EPAS1: variants seen among roughly 807,000 people sequenced by gnomAD.
EPAS1 encodes endothelial PAS domain-containing protein 1.
In EPAS1, 23 loss-of-function variants were observed where a neutral mutation model predicts 87.9. The observed-to-expected ratio is 0.26, with a 90% confidence interval of 0.19 to 0.37. The LOEUF is 0.37. EPAS1 is among the 10% of genes least tolerant of loss of function. EPAS1 has a pLI of 1.00. For synonymous variants in EPAS1, 508 were observed against 444.3 expected, an observed-to-expected ratio of 1.14 and a Z score of -1.80; for missense variants, 1,138 against 1,120.7, an observed-to-expected ratio of 1.02 and a Z score of -0.22.
intron 3 of EPAS1, 94 bp downstream of exon 3, chr2:46,356,396 C>A: frequency 1.3e-6 from 2 of 1,526,966 alleles, no homozygotes; most frequent in South Asian, 1.1e-5. Flanking sequence ...CACTTGACCT[C>A]TCCCTGCAAA....
At chr2:46,383,015 C>CAG (rs946392632) in intron 15 of EPAS1, among the ~76,000 whole-genome samples, 7 of 147,084 alleles carry the variant, frequency 4.8e-5, no homozygotes, top group Non-Finnish European at 1.0e-4. Flanking sequence ...AGAGAAAGTT[C>CAG]AGAGAGAGAG....
At chr2:46,308,236 C>G (rs1034353038) in intron 1 of EPAS1, among the ~76,000 whole-genome samples, 1 of 152,112 alleles carries the variant, frequency 6.6e-6, no homozygotes, top group Non-Finnish European at 1.5e-5. Flanking sequence ...CCCAGGCTTC[C>G]CGAAATCTTA....
chr2:46,307,072 C>G (rs1372632787), intron 1 of EPAS1, among the ~76,000 whole-genome samples: 1 of 152,190 alleles, frequency 6.6e-6, no homozygotes, highest in African/African-American at 2.4e-5. Flanking sequence ...AAAAAGCACT[C>G]CAGTGAGATT....
intron 15 of EPAS1, among the ~76,000 whole-genome samples, chr2:46,384,079 G>A (rs1684957764): frequency 6.6e-6 from 1 of 152,328 alleles, no homozygotes; most frequent in Non-Finnish European, 1.5e-5. Flanking sequence ...ACTGCTGAGG[G>A]TGGTGACCAG....
intron 1 of EPAS1, among the ~76,000 whole-genome samples, chr2:46,302,834 G>A (rs889134406): frequency 2.6e-5 from 4 of 151,822 alleles, no homozygotes; most frequent in Non-Finnish European, 5.9e-5. Context: ...AGCACTTTGA[G>A]AGGCCGAGGC....
chr2:46,382,528 C>A lies in EPAS1; in HGVS notation c.2391C>A (p.Ser797Arg), dbSNP rs2103678263. 1 of 1,614,188 alleles carries A rather than the reference C, an allele frequency of 6.2e-7. No individual in the cohort carries two copies. Among genetic ancestry groups the A allele is most frequent in the Non-Finnish European group, 8.5e-7 (1 of 1,180,042 alleles). Residue 797 changes from serine to arginine, a missense_variant, in exon 15 of 16, where the codon AGC becomes AGA. Transcript: ENST00000263734. ...TCAGTCCCGGGGAGAACAGCAAGAGCAGGTTCCCCCCACAGTGCTACGCCA... is the reference window on the plus strand; with the variant it reads ...TCAGTCCCGGGGAGAACAGCAAGAGAAGGTTCCCCCCACAGTGCTACGCCA... Reference protein sequence around the residue: ...SAISPGENSKSRFPPQCYATQ... With the variant: ...SAISPGENSKRRFPPQCYATQ...
chr2:46,303,155 A>G (rs989305823), intron 1 of EPAS1, among the ~76,000 whole-genome samples: 3 of 152,228 alleles, frequency 2.0e-5, no homozygotes, highest in Admixed American at 6.5e-5. Context: ...GAAGCAAAAG[A>G]TAAGCTCTGA....
intron 1 of EPAS1, among the ~76,000 whole-genome samples, chr2:46,312,582 G>A (rs763163050): frequency 6.6e-6 from 1 of 152,148 alleles, no homozygotes; most frequent in East Asian, 1.9e-4. Flanking sequence ...TAATCATTAG[G>A]CACATTATTG....
chr2:46,380,632 G>A lies in EPAS1; in HGVS notation c.1960G>A (p.Val654Ile), dbSNP rs375135104. 1.9e-5 allele frequency: 31 copies of A among 1,613,976 alleles called. No individual in the cohort carries two copies. Among genetic ancestry groups the A allele is most frequent in the Middle Eastern group, 3.3e-4 (2 of 6,084 alleles). The change falls in exon 12 of 16, where the codon GTC becomes ATC. Residue 654 changes from valine to isoleucine, a missense_variant. Around this residue, in one of 4 missense-constraint regions of EPAS1, gnomAD observed 502 missense variants for 427.1 expected, o/e 1.18. Transcript: ENST00000263734. The surrounding 1 kb of genome is among the most constrained non-coding windows in gnomAD (Gnocchi z 4.4). Reference protein sequence around the residue: ...PLHFGPTKWAVGDQRTEFLGA... With the variant: ...PLHFGPTKWAIGDQRTEFLGA... ...ACATTTTGGGCCCACAAAGTGGGCC[G>A]TCGGGGATCAGCGCACAGAGTTCTT...
chr2:46,302,073 G>C (rs1338096127), intron 1 of EPAS1, among the ~76,000 whole-genome samples: 1 of 148,606 alleles, frequency 6.7e-6, no homozygotes, highest in Non-Finnish European at 1.5e-5. Context: ...AGTGAAAACT[G>C]TGAGACTAAA....
At position 46,346,438 on chromosome 2, in the gene EPAS1, A is replaced by G. The variant is rs1351579656; in HGVS notation, c.27-435A>G. ...GTGTCTTATGCAGAAAAAGAACCTT[A>G]AAGCAGTTTTTTTATCTTGTTCTCC... On this transcript the variant is annotated intron_variant, in intron 1 of 15. Coordinates refer to ENST00000263734, the MANE Select transcript of EPAS1 (RefSeq NM_001430.5). The surrounding 1 kb of genome is among the most constrained non-coding windows in gnomAD (Gnocchi z 4.0). Among the ~76,000 whole-genome samples the G allele has an allele frequency of 2.0e-5, 3 of 152,174 alleles. No homozygotes were observed. The highest frequency in any genetic ancestry group is 6.5e-5 in the Admixed American group (1 of 15,280).
At position 46,298,450 on chromosome 2, in the gene EPAS1, C is replaced by G. The variant is rs907205210; in HGVS notation, c.26+513C>G. On this transcript the variant is annotated intron_variant, in intron 1 of 15. Transcript: ENST00000263734. ...GGAGGCGGAGAGCGGCTCAGGGACA[C>G]GATCCTACCGAGGAGCCAGGACCCT... Among the ~76,000 whole-genome samples, 5 of 152,230 alleles carry G rather than the reference C, an allele frequency of 3.3e-5. No homozygotes were observed. The East Asian group carries it at 9.7e-4, about 29-fold the overall frequency.
chr2:46,350,065 A>G (rs865862597), intron 2 of EPAS1, among the ~76,000 whole-genome samples: 4 of 152,382 alleles, frequency 2.6e-5, no homozygotes, highest in Middle Eastern at 3.4e-3. Context: ...TAAGCTCTCA[A>G]TAAGTTATAG....
intron 1 of EPAS1, among the ~76,000 whole-genome samples, chr2:46,336,706 G>A (rs555018519): frequency 1.2e-4 from 19 of 152,314 alleles, no homozygotes; most frequent in Non-Finnish European, 2.4e-4. Context: ...AAGATCGCAC[G>A]TGTTCCTGGG....
chr2:46,343,138 G>A (rs1683944316), intron 1 of EPAS1, among the ~76,000 whole-genome samples: 1 of 152,146 alleles, frequency 6.6e-6, no homozygotes, highest in Non-Finnish European at 1.5e-5. Flanking sequence ...CACCCTCCCA[G>A]CACTACTGTG....
rs1202845001 is a variant in EPAS1, at chr2:46,361,023, C to T, written c.712C>T (p.Pro238Ser). ...CCAGCACCCATCCCACATGGACATC[C>T]CCCTGGATAGCAAGACCTTCCTGAG... ...PIQHPSHMDI[P>S]LDSKTFLSRH... Residue 238 changes from proline to serine, a missense_variant, in exon 6 of 16, where the codon CCC (proline) becomes TCC (serine). Physicochemically the swap from Pro to Ser is moderately conservative, Grantham distance 74. Transcript: ENST00000263734. 9 of 1,614,030 alleles carry T rather than the reference C, an allele frequency of 5.6e-6. No individual in the cohort carries two copies. In the Admixed American group the frequency reaches 1.5e-4, roughly 27 times the overall value.
intron 4 of EPAS1, among the ~76,000 whole-genome samples, chr2:46,357,650 C>T (rs1373883156): frequency 6.6e-6 from 1 of 152,206 alleles, no homozygotes; most frequent in Non-Finnish European, 1.5e-5. Flanking sequence ...TGTCAAAAGG[C>T]ATGGCTTGTT....
intron 1 of EPAS1, among the ~76,000 whole-genome samples, chr2:46,308,327 A>G (rs1190626232): frequency 1.3e-5 from 2 of 152,102 alleles, no homozygotes; most frequent in African/African-American, 4.8e-5. Context: ...TTGTTTGCCA[A>G]AGAGCCTGCT....
In EPAS1 at chr2:46,347,212, C is replaced by A. The variant is rs1320402425; in HGVS notation, c.217+149C>A. On this transcript the variant is annotated intron_variant, in intron 2 of 15. Coordinates refer to ENST00000263734, the MANE Select transcript of EPAS1 (RefSeq NM_001430.5). This position sits in a 1 kb window ranked among gnomAD's most constrained non-coding sequence, Gnocchi z 4.2. ...AAACACCATCATGAGTGATTTATTCCTTCATGTTAAACATCTCTCTTCCAG... is the reference window on the plus strand; with the variant it reads ...AAACACCATCATGAGTGATTTATTCATTCATGTTAAACATCTCTCTTCCAG... The A allele has an allele frequency of 2.4e-6, 2 of 841,376 alleles. No homozygotes were observed. The highest frequency in any genetic ancestry group is 4.0e-5 in the Admixed American group (2 of 50,150). 52.1% of individuals were successfully genotyped at this position (841,376 alleles called of 1,614,324 possible). A position where few individuals can be genotyped will look rare whatever the true frequency, so the allele number is the denominator to read the frequency against.
Sources: allele counts gnomAD v4.1 joint callset (sites outside exome capture counted in the v4.1 genomes callset), GRCh38; gene constraint gnomAD v4.1.1; regional missense constraint gnomAD v4.1.1; non-coding constraint Gnocchi (gnomAD v3.1); transcripts MANE v1.5; gene names NCBI Gene and HGNC (gene_info 2026-07-23, HGNC 2026-07-21).